UNC79: variants seen among roughly 807,000 people sequenced by gnomAD.
The protein encoded by UNC79 is protein unc-79 homolog.
A neutral mutation model predicts 283.1 loss-of-function variants in UNC79; 37 were observed. The ratio of observed to expected loss-of-function variants is 0.13; its 90% CI spans 0.10 to 0.17. The LOEUF (loss-of-function observed/expected upper bound fraction) is 0.17, where lower values mean the gene tolerates loss of function less well. Among genes scored for constraint, UNC79 ranks in the 10% least tolerant of loss-of-function variants. The pLI is 1.00. For missense variants in UNC79, 2,272 were observed against 3,211.1 expected (o/e 0.71, Z 7.07); for synonymous variants, 1,107 against 1,200.2 (o/e 0.92, Z 1.61).
chr14:93,652,202 G>T (rs1201690741), intron 35 of UNC79, among the ~76,000 whole-genome samples: 7 of 151,998 alleles, frequency 4.6e-5, no homozygotes, highest in Non-Finnish European at 7.4e-5. Context: ...GTAGCTATAG[G>T]TTTTTTTATA....
At chr14:93,493,516 T>G (rs1282055795) in intron 5 of UNC79, among the ~76,000 whole-genome samples, 1 of 152,166 alleles carries the variant, frequency 6.6e-6, no homozygotes, top group Non-Finnish European at 1.5e-5. Flanking sequence ...GCGTAAGCAC[T>G]TCAAAGGCAG....
chr14:93,610,218 G>T (rs565913685), intron 26 of UNC79, among the ~76,000 whole-genome samples: 13 of 152,308 alleles, frequency 8.5e-5, no homozygotes, highest in South Asian at 8.3e-4. Context: ...CAGGGTCCTA[G>T]CTGGGCCTTG....
chr14:93,705,387 C>T (rs1225660795), intron 48 of UNC79, among the ~76,000 whole-genome samples: 1 of 145,178 alleles, frequency 6.9e-6, no homozygotes, highest in South Asian at 2.2e-4. Flanking sequence ...AGTAGCATAC[C>T]GACCCCTTGG....
At chr14:93,600,897 C>A in intron 25 of UNC79, 127 bp downstream of exon 25, 3 of 957,030 alleles carry the variant, frequency 3.1e-6, no homozygotes, top group South Asian at 3.6e-5. Context: ...GCACTCAATT[C>A]ATTAAATGAT....
intron 7 of UNC79, 47 bp downstream of exon 7, chr14:93,497,333 G>A (rs778041544): frequency 2.5e-6 from 4 of 1,584,472 alleles, no homozygotes; most frequent in Non-Finnish European, 2.6e-6. Context: ...TTTCTCCTGT[G>A]CCACACTGGC....
chr14:93,644,424 A>G (rs1030693104), intron 34 of UNC79, among the ~76,000 whole-genome samples: 1 of 152,228 alleles, frequency 6.6e-6, no homozygotes, highest in African/African-American at 2.4e-5. Flanking sequence ...AACATTTCCA[A>G]TCTGTGTGAA....
At chr14:93,425,068 A>G (rs1234813904) in intron 1 of UNC79, among the ~76,000 whole-genome samples, 1 of 152,182 alleles carries the variant, frequency 6.6e-6, no homozygotes, top group Non-Finnish European at 1.5e-5. Flanking sequence ...TGCTGCTATA[A>G]AGGACTGCCT....
intron 27 of UNC79, among the ~76,000 whole-genome samples, chr14:93,613,656 C>T (rs1387343800): frequency 2.0e-5 from 3 of 152,022 alleles, no homozygotes; most frequent in Non-Finnish European, 4.4e-5. Context: ...CCTCGTGATC[C>T]GCCCATCTTG....
chr14:93,582,495 T>TA, intron 20 of UNC79, 151 bp downstream of exon 20: 1 of 1,195,264 alleles, frequency 8.4e-7, no homozygotes, highest in Non-Finnish European at 1.1e-6. Context: ...CAGCGGATTA[T>TA]AAAATGAACA....
chr14:93,390,597 T>G (rs147709369), intron 1 of UNC79, among the ~76,000 whole-genome samples: 9 of 152,290 alleles, frequency 5.9e-5, no homozygotes, highest in African/African-American at 2.2e-4. Flanking sequence ...TTATTAGCAT[T>G]AATAAATTAG....
intron 1 of UNC79, among the ~76,000 whole-genome samples, chr14:93,442,359 T>A (rs1206214915): frequency 6.6e-6 from 1 of 152,170 alleles, no homozygotes; most frequent in East Asian, 1.9e-4. Flanking sequence ...TGTAGGATCA[T>A]TTTCTACTGT....
At chr14:93,484,578 G>A (rs2058317542) in intron 4 of UNC79, among the ~76,000 whole-genome samples, 1 of 152,162 alleles carries the variant, frequency 6.6e-6, no homozygotes, top group Non-Finnish European at 1.5e-5. Context: ...ATAGGGAATA[G>A]GACTGAGAAC....
At chr14:93,354,909 A>G (rs764405750) in intron 1 of UNC79, among the ~76,000 whole-genome samples, 22 of 152,350 alleles carry the variant, frequency 1.4e-4, no homozygotes, top group Admixed American at 4.6e-4. Context: ...TTATGAAAGT[A>G]AATATAATGA....
At chr14:93,691,496 A>T (rs1458255669) in intron 45 of UNC79, 1 of 572,226 alleles carries the variant, frequency 1.7e-6, no homozygotes, top group East Asian at 2.9e-5. Context: ...GGGTGGGTAG[A>T]TTTCTTCAGC....
intron 23 of UNC79, among the ~76,000 whole-genome samples, chr14:93,594,269 G>T (rs887600650): frequency 4.0e-5 from 6 of 151,842 alleles, no homozygotes; most frequent in South Asian, 2.1e-4. Context: ...AGAAATTGAG[G>T]TTTTTTGTGT....
chr14:93,409,250 C>G (rs1440363820), intron 1 of UNC79, among the ~76,000 whole-genome samples: 1 of 152,090 alleles, frequency 6.6e-6, no homozygotes, highest in Non-Finnish European at 1.5e-5. Flanking sequence ...AATCAATATT[C>G]TTTCTGTATC....
Position 93,392,394 on chromosome 14 carries a change from G to T in UNC79, c.-351+58871G>T, listed in dbSNP as rs188905347. 4.6e-5 allele frequency among the ~76,000 whole-genome samples: 7 copies of T among 152,202 alleles called. No individual in the cohort carries two copies. The East Asian group carries it at 1.2e-3, about 25-fold the overall frequency. On this transcript the variant is annotated intron_variant, in intron 1 of 49. Transcript: ENST00000256339. Reference sequence around the variant, plus strand: ...GCAAAACTAAAGTGTAGTGTTTAGGGATACATACTTATGGGAAGGGTACAG... The same window carrying T: ...GCAAAACTAAAGTGTAGTGTTTAGGTATACATACTTATGGGAAGGGTACAG...
intron 1 of UNC79, among the ~76,000 whole-genome samples, chr14:93,364,532 T>C (rs2054290453): frequency 2.5e-5 from 3 of 121,576 alleles, no homozygotes; most frequent in Middle Eastern, 8.6e-3. Context: ...TAGAAGGGTG[T>C]TTTAGATGTG....
At chr14:93,534,794 GA>G (rs1489189825) in intron 11 of UNC79, among the ~76,000 whole-genome samples, 1 of 152,188 alleles carries the variant, frequency 6.6e-6, no homozygotes, top group East Asian at 1.9e-4. Flanking sequence ...ACCCAGGGTA[GA>G]TCATTTTTTA....
Sources: gnomAD v4.1 joint callset for allele counts (sites outside exome capture counted in the v4.1 genomes callset) on GRCh38, gnomAD v4.1.1 for gene constraint, MANE v1.5 for transcripts, NCBI Gene and HGNC (gene_info 2026-07-23, HGNC 2026-07-21) for gene names.